SCARF1: variants seen among roughly 807,000 people sequenced by gnomAD.
SCARF1 encodes acetyl LDL receptor.
A neutral mutation model predicts 76.3 loss-of-function variants in SCARF1; 49 were observed. The observed-to-expected ratio is 0.64, with a 90% confidence interval of 0.51 to 0.81. SCARF1 has a LOEUF of 0.81. Ranked by LOEUF, SCARF1 falls within the 40% of genes least tolerant of loss-of-function variation. The pLI, the probability that SCARF1 is intolerant of heterozygous loss-of-function variation, is 0.00. For missense variants in SCARF1, 1,098 were observed against 1,143.9 expected (o/e 0.96, Z 0.58); for synonymous variants, 495 against 474.6 (o/e 1.04, Z -0.56).
chr17:1,642,455 A>G (rs2151099181), intron 4 of SCARF1, among the ~76,000 whole-genome samples: 1 of 151,446 alleles, frequency 6.6e-6, no homozygotes, highest in Non-Finnish European at 1.5e-5. Context: ...TGTTCTCGCG[A>G]TAGTTTACTG....
chr17:1,634,953 T>C lies in SCARF1; in HGVS notation c.2298A>G (p.Thr766=). The change falls in exon 11 of 11, where the codon ACA becomes ACG. Residue 766 remains threonine (T), a synonymous_variant. Transcript: ENST00000263071. ...CCTCTGGTCTGACTGCCATAGGCCC[T>C]GTGGCCCCAGGAAGCCCAGCTTTTG... The part of the protein sequence containing the change: ...SAPKAGLPGA[T]GPMAVRPEEA... 1 of 1,613,172 alleles carries C rather than the reference T, an allele frequency of 6.2e-7. No homozygotes were observed. The highest frequency in any genetic ancestry group is 8.5e-7 in the Non-Finnish European group (1 of 1,179,544).
chr17:1,635,182 G>C lies in SCARF1; in HGVS notation c.2069C>G (p.Thr690Arg). 1 of 1,613,462 alleles carries C rather than the reference G, an allele frequency of 6.2e-7. No individual in the cohort carries two copies. Among genetic ancestry groups the C allele is most frequent in the South Asian group, 1.1e-5 (1 of 91,086 alleles). The change falls in exon 11 of 11, where the codon ACG (threonine) becomes AGG (arginine). Residue 690 changes from threonine to arginine, a missense_variant. Physicochemically the swap from Thr to Arg is moderately conservative, Grantham distance 71. Transcript: ENST00000263071. Reference protein sequence around the residue: ...SVQESSGPVTTIYMLAGKPRG... With the variant: ...SVQESSGPVTRIYMLAGKPRG... ...GGGCTTCCCTGCCAGCATGTAGATC[G>C]TGGTCACAGGGCCCGAGCTCTCCTG...
rs547588287 is a variant in SCARF1 at position 1,642,504 on chromosome 17, G to C, written c.791+938C>G. Among the ~76,000 whole-genome samples, 5 of 152,094 alleles carry C rather than the reference G, an allele frequency of 3.3e-5. No individual in the cohort carries two copies. In the East Asian group the frequency reaches 9.7e-4, roughly 29 times the overall value. On this transcript the variant is annotated intron_variant, in intron 4 of 10. Coordinates refer to ENST00000263071, the MANE Select transcript of SCARF1 (RefSeq NM_003693.4). Reference sequence around the variant, plus strand: ...CCAATTTCTTCCATGTCCCTACAAAGGACATGAACTCATCATTTTTTATGG... The same window carrying C: ...CCAATTTCTTCCATGTCCCTACAAACGACATGAACTCATCATTTTTTATGG...
intron 4 of SCARF1, among the ~76,000 whole-genome samples, chr17:1,641,660 G>A (rs538643653): frequency 3.3e-5 from 5 of 152,310 alleles, no homozygotes; most frequent in East Asian, 1.9e-4. Flanking sequence ...TAGGGGAGAA[G>A]AAGGGCAGTT....
chr17:1,634,361 C>A lies in SCARF1; in HGVS notation c.*397G>T. On this transcript the variant is annotated 3_prime_UTR_variant, in exon 11 of 11. Transcript: ENST00000263071. ...CCGAGATCGCACCACTGCACTCCAG[C>A]CTGGGGGACAGAGGGAGATTCTGTC... The A allele has an allele frequency of 2.9e-6, 1 of 350,606 alleles. No individual in the cohort carries two copies. Among genetic ancestry groups the A allele is most frequent in the African/African-American group, 2.1e-5 (1 of 47,130 alleles). The allele number at this position is 350,606 out of a possible 1,614,324, so 21.7% of individuals were successfully genotyped here.
Position 1,640,424 on chromosome 17 carries a change from C to T in SCARF1, c.1010+24G>A. On this transcript the variant is annotated intron_variant, in intron 5 of 10. Coordinates refer to ENST00000263071, the MANE Select transcript of SCARF1 (RefSeq NM_003693.4). This position sits in a 1 kb window ranked among gnomAD's most constrained non-coding sequence, Gnocchi z 4.7. The stretch of plus-strand genomic sequence containing the variant: ...GGGTCCTGGGGGAAGGTGTACCCCA[C>T]CCTGAACAGAATGGTGCCCTCACCT... 6.5e-7 allele frequency: 1 copy of T among 1,541,438 alleles called. No homozygotes were observed. The highest frequency in any genetic ancestry group is 8.8e-7 in the Non-Finnish European group (1 of 1,140,600).
At chr17:1,643,056 C>T (rs1910179126) in intron 4 of SCARF1, among the ~76,000 whole-genome samples, 1 of 152,116 alleles carries the variant, frequency 6.6e-6, no homozygotes, top group South Asian at 2.1e-4. Context: ...AGGAGCACCG[C>T]GAAGCCCTGA....
rs4790250 is a variant in SCARF1, at chr17:1,635,252, C to A, written c.1999G>T (p.Gly667Cys). 6.2e-7 allele frequency: 1 copy of A among 1,611,922 alleles called. No homozygotes were observed. Among genetic ancestry groups the A allele is most frequent in the Non-Finnish European group, 8.5e-7 (1 of 1,179,148 alleles). ...ATGHRRPPLG[G>C]RTVAEHVEAI... Reference sequence around the variant, plus strand: ...TCCACGTGCTCAGCCACTGTCCGGCCACCAAGTGGGGGCCGCCGGTGGCCA... The same window carrying A: ...TCCACGTGCTCAGCCACTGTCCGGCAACCAAGTGGGGGCCGCCGGTGGCCA... The change falls in exon 11 of 11, where the codon GGC becomes TGC. Residue 667 changes from glycine (G) to cysteine (C), a missense_variant. Physicochemically the swap from Gly to Cys is radical, Grantham distance 159. Coordinates refer to ENST00000263071, the MANE Select transcript of SCARF1 (RefSeq NM_003693.4).
At position 1,636,993 on chromosome 17, in the gene SCARF1, G is replaced by T. The variant is rs779772931; in HGVS notation, c.1434C>A (p.Gly478=). Residue 478 remains glycine, a synonymous_variant, in exon 9 of 11, where the codon GGC becomes GGA. Coordinates refer to ENST00000263071, the MANE Select transcript of SCARF1 (RefSeq NM_003693.4). ...TGAGGGAACGGCAGGGCAGCGTGGA[G>T]CCCAAGCTGGTCAGTGTCCCCCAGA... ...LQVWGTLTSL[G]STLPCRSLSS... 1 of 1,613,978 alleles carries T rather than the reference G, an allele frequency of 6.2e-7. No individual in the cohort carries two copies.
intron 8 of SCARF1, among the ~76,000 whole-genome samples, 200 bp from the exon 9 acceptor site, chr17:1,637,262 C>T (rs8078917): frequency 0.71 from 107,660 of 151,888 alleles, 38,570 homozygotes; most frequent in East Asian, 0.95. Context: ...GTCAGACAGC[C>T]GAGTAACAAC....
chr17:1,643,466 C>T lies in SCARF1; in HGVS notation c.767G>A (p.Ser256Asn). 1.1e-5 allele frequency: 14 copies of T among 1,294,766 alleles called. No homozygotes were observed. The highest frequency in any genetic ancestry group is 1.4e-5 in the Non-Finnish European group (14 of 1,026,670). The allele number at this position is 1,294,766 out of a possible 1,614,324, so 80.2% of individuals were successfully genotyped here. A position where few individuals can be genotyped will look rare whatever the true frequency, so the allele number is the denominator to read the frequency against. Residue 256 changes from serine (S) to asparagine (N), a missense_variant, in exon 4 of 11, where the codon AGC (serine) becomes AAC (asparagine). Transcript: ENST00000263071. Reference sequence around the variant, plus strand: ...CCTGTGTGCGCACTGCACCCCGTGGCTGCCTGCCGGGCAGGGCAGCTCGCA... The same window carrying T: ...CCTGTGTGCGCACTGCACCCCGTGGTTGCCTGCCGGGCAGGGCAGCTCGCA... The part of the protein sequence containing the change: ...ARCELPCPAG[S>N]HGVQCAHSCG...
chr17:1,645,097 C>G lies in SCARF1; in HGVS notation c.163+81G>C, dbSNP rs961904777. Reference sequence around the variant, plus strand: ...GACTCCTGGTATCAGGAGGGGCAGGCCCCATGGGGTAGGAAGGAAGGGTTG... The same window carrying G: ...GACTCCTGGTATCAGGAGGGGCAGGGCCCATGGGGTAGGAAGGAAGGGTTG... On this transcript the variant is annotated intron_variant, in intron 2 of 10. Coordinates refer to ENST00000263071, the MANE Select transcript of SCARF1 (RefSeq NM_003693.4). The surrounding 1 kb of genome is among the most constrained non-coding windows in gnomAD (Gnocchi z 6.3). 6.3e-7 allele frequency: 1 copy of G among 1,584,096 alleles called. No individual in the cohort carries two copies. Among genetic ancestry groups the G allele is most frequent in the African/African-American group, 1.3e-5 (1 of 74,400 alleles).
At chr17:1,641,088 G>A (rs930899910) in intron 4 of SCARF1, among the ~76,000 whole-genome samples, 9 of 152,100 alleles carry the variant, frequency 5.9e-5, no homozygotes, top group Non-Finnish European at 8.8e-5. Flanking sequence ...CCCATCACAC[G>A]AAATGCAAAA....
intron 8 of SCARF1, chr17:1,638,281 T>TCCGTCTC (rs1909744007): frequency 6.6e-6 from 1 of 152,398 alleles, no homozygotes; most frequent in African/African-American, 2.4e-5. Flanking sequence ...TCCTCCCCTC[T>TCCGTCTC]CCGTCTCTCA....
At chr17:1,641,660 GA>G (rs1910060482) in intron 4 of SCARF1, among the ~76,000 whole-genome samples, 2 of 152,192 alleles carry the variant, frequency 1.3e-5, no homozygotes, top group Non-Finnish European at 2.9e-5. Context: ...TAGGGGAGAA[GA>G]AGGGCAGTTT....
In SCARF1 at chr17:1,644,683, C is replaced by T. The variant is rs1910370422; in HGVS notation, c.265+151G>A. On this transcript the variant is annotated intron_variant, in intron 3 of 10. Coordinates refer to ENST00000263071, the MANE Select transcript of SCARF1 (RefSeq NM_003693.4). The surrounding 1 kb of genome is among the most constrained non-coding windows in gnomAD (Gnocchi z 4.8). ...CATCTCCCGGGAGTGTGTGTCACTTCCTGTCTCTGGACCGCAATTCCTCAG... is the reference window on the plus strand; with the variant it reads ...CATCTCCCGGGAGTGTGTGTCACTTTCTGTCTCTGGACCGCAATTCCTCAG... The T allele has an allele frequency of 1.3e-6, 1 of 741,254 alleles. No homozygotes were observed. The highest frequency in any genetic ancestry group is 1.7e-5 in the South Asian group (1 of 58,660). 45.9% of individuals were successfully genotyped at this position (741,254 alleles called of 1,614,324 possible).
Position 1,638,792 on chromosome 17 carries a change from G to A in SCARF1, c.1364+14C>T, listed in dbSNP as rs373405813. On this transcript the variant is annotated intron_variant, in intron 8 of 10. Coordinates refer to ENST00000263071, the MANE Select transcript of SCARF1 (RefSeq NM_003693.4). The stretch of plus-strand genomic sequence containing the variant: ...GGCCTGAGCTGTGTGGGGAAGGGAC[G>A]GGCTGGCGTTCACCTGTCCTTGAGG... 539 of 1,597,956 alleles carry A rather than the reference G, an allele frequency of 3.4e-4. 5 individuals are homozygous for A. The South Asian group carries it at 3.6e-3, about 11-fold the overall frequency.
At position 1,644,767 on chromosome 17, in the gene SCARF1, C is replaced by G; in HGVS notation, c.265+67G>C. The G allele has an allele frequency of 6.8e-7, 1 of 1,471,900 alleles. No individual in the cohort carries two copies. The highest frequency in any genetic ancestry group is 9.3e-7 in the Non-Finnish European group (1 of 1,075,702). 91.2% of individuals were successfully genotyped at this position (1,471,900 alleles called of 1,614,324 possible). On this transcript the variant is annotated intron_variant, in intron 3 of 10. Transcript: ENST00000263071. This position sits in a 1 kb window ranked among gnomAD's most constrained non-coding sequence, Gnocchi z 4.8. Reference sequence around the variant, plus strand: ...GAGGCTGCATGGCTACCTGCCTCGCCTGCTCCCACACCACTGCCCCCGTAC... The same window carrying G: ...GAGGCTGCATGGCTACCTGCCTCGCGTGCTCCCACACCACTGCCCCCGTAC...
In SCARF1 at chr17:1,634,646, T is replaced by A. The variant is rs549818602; in HGVS notation, c.*112A>T. Reference sequence around the variant, plus strand: ...CAACTGGCCTGGAAGCCTTGCCTTTTCCCTGTGGAGGCGCAGAGGCTCTGG... The same window carrying A: ...CAACTGGCCTGGAAGCCTTGCCTTTACCCTGTGGAGGCGCAGAGGCTCTGG... On this transcript the variant is annotated 3_prime_UTR_variant, in exon 11 of 11. Transcript: ENST00000263071. 2.1e-6 allele frequency: 3 copies of A among 1,430,756 alleles called. No individual in the cohort carries two copies. The South Asian group carries it at 4.7e-5, about 22-fold the overall frequency. 88.6% of individuals were successfully genotyped at this position (1,430,756 alleles called of 1,614,324 possible).
Sources: allele counts gnomAD v4.1 joint callset (sites outside exome capture counted in the v4.1 genomes callset), GRCh38; gene constraint gnomAD v4.1.1; non-coding constraint Gnocchi (gnomAD v3.1); transcripts MANE v1.5; gene names NCBI Gene and HGNC (gene_info 2026-07-23, HGNC 2026-07-21).